Variants in MTHFD1L observed in about 807,000 individuals in gnomAD.
The protein encoded by MTHFD1L is monofunctional C1-tetrahydrofolate synthase, mitochondrial.
A neutral mutation model predicts 119.5 loss-of-function variants in MTHFD1L; 81 were observed. That is an observed-to-expected ratio of 0.68 (90% CI 0.57 to 0.82). The LOEUF (loss-of-function observed/expected upper bound fraction) is 0.82, where lower values mean the gene tolerates loss of function less well. Ranked by LOEUF, MTHFD1L falls within the 40% of genes least tolerant of loss-of-function variation. MTHFD1L has a pLI of 0.00. For synonymous variants in MTHFD1L, 430 were observed against 475.2 expected, an observed-to-expected ratio of 0.90 and a Z score of 1.24; for missense variants, 1,125 against 1,253.4, an observed-to-expected ratio of 0.90 and a Z score of 1.55.
chr6:150,866,384 G>A (rs1778317903), intron 1 of MTHFD1L: 1 of 1,401,618 alleles, frequency 7.1e-7, no homozygotes, highest in Middle Eastern at 2.5e-4. Flanking sequence ...GCGCGACCCA[G>A]ACGGTAAAGG....
chr6:150,994,064 T>TAAAAA (rs746589557), intron 20 of MTHFD1L, among the ~76,000 whole-genome samples: 98 of 74,146 alleles, frequency 1.3e-3, no homozygotes, highest in South Asian at 6.3e-3. Flanking sequence ...ACAACAACAG[T>TAAAAA]AAAAAAAAAA....
At chr6:150,936,996 G>A in intron 12 of MTHFD1L, 56 bp downstream of exon 12, 3 of 1,583,900 alleles carry the variant, frequency 1.9e-6, no homozygotes, top group Middle Eastern at 1.7e-4. Flanking sequence ...GGAGAGAATT[G>A]TAAAAAGAAC....
At chr6:150,988,336 C>G (rs1778589657) in intron 20 of MTHFD1L, among the ~76,000 whole-genome samples, 1 of 152,136 alleles carries the variant, frequency 6.6e-6, no homozygotes, top group Non-Finnish European at 1.5e-5. Context: ...CCTGAGGATA[C>G]TCAAAAAGAG....
Position 151,092,491 on chromosome 6 carries a change from AC to A in MTHFD1L, c.2875del (p.Arg959GlyfsTer7). 6.2e-7 allele frequency: 1 copy of A among 1,614,122 alleles called. No homozygotes were observed. On this transcript the variant is annotated frameshift_variant, in exon 27 of 28. Transcript: ENST00000367321. LOFTEE classifies it high-confidence loss of function. ...GTMSTMPGLP[T>X]RPCFYDIDLD... ...GATGAGCACCATGCCAGGACTGCCC[AC>A]CCGGCCCTGCTTTTATGACATAGAT...
chr6:151,045,113 G>A (rs1424197429), intron 26 of MTHFD1L, among the ~76,000 whole-genome samples: 2 of 152,174 alleles, frequency 1.3e-5, no homozygotes, highest in Non-Finnish European at 2.9e-5. Flanking sequence ...GGGATGCACG[G>A]TTGGTTATAC....
intron 11 of MTHFD1L, 68 bp from the exon 12 acceptor site, chr6:150,936,736 T>C: frequency 6.4e-7 from 1 of 1,552,122 alleles, no homozygotes; most frequent in Non-Finnish European, 8.8e-7. Context: ...GATTCTGGTG[T>C]CTTCGGCTGG....
chr6:151,101,747 T>C lies in MTHFD1L; in HGVS notation c.*253T>C, dbSNP rs1362316737. On this transcript the variant is annotated 3_prime_UTR_variant, in exon 28 of 28. Coordinates refer to ENST00000367321, the MANE Select transcript of MTHFD1L (RefSeq NM_015440.5). The stretch of plus-strand genomic sequence containing the variant: ...ATTTCTGTTTCTGTGGAGTTTCCAT[T>C]ATTTCTACTGCTTACACTTTAGAAT... The C allele has an allele frequency of 6.6e-6, 1 of 152,624 alleles. No homozygotes were observed. The allele number at this position is 152,624 out of a possible 1,614,324, so 9.5% of individuals were successfully genotyped here.
At chr6:150,976,187 A>G (rs1403707408) in intron 20 of MTHFD1L, among the ~76,000 whole-genome samples, 1 of 152,090 alleles carries the variant, frequency 6.6e-6, no homozygotes, top group East Asian at 1.9e-4. Context: ...GGCAACAGAG[A>G]CAGACTCTGT....
In MTHFD1L at chr6:151,008,655, A is replaced by T. The variant is rs1363528629; in HGVS notation, c.2126-1164A>T. 2.6e-5 allele frequency among the ~76,000 whole-genome samples: 4 copies of T among 152,172 alleles called. No homozygotes were observed. The East Asian group carries it at 7.7e-4, about 29-fold the overall frequency. ...AAAGGCAGCTGTGACCTTTCTAGCAACTGAGGGGGTGGGGACTAGAAACGA... is the reference window on the plus strand; with the variant it reads ...AAAGGCAGCTGTGACCTTTCTAGCATCTGAGGGGGTGGGGACTAGAAACGA... On this transcript the variant is annotated intron_variant, in intron 20 of 27. Coordinates refer to ENST00000367321, the MANE Select transcript of MTHFD1L (RefSeq NM_015440.5).
rs1466422065 is a variant in MTHFD1L, at chr6:151,015,605, T to G, written c.2498T>G (p.Val833Gly). The G allele has an allele frequency of 1.9e-6, 3 of 1,614,050 alleles. No individual in the cohort carries two copies. The highest frequency in any genetic ancestry group is 2.5e-6 in the Non-Finnish European group (3 of 1,180,004). The change falls in exon 24 of 28, where the codon GTT (valine) becomes GGT (glycine). Residue 833 changes from valine (V) to glycine (G), a missense_variant. Transcript: ENST00000367321. ...FDAVPCYHWS[V>G]GGKGSVDLAR... ...GCAGTCCCCTGCTATCACTGGTCCG[T>G]TGGTGGAAAAGGATCGGTGGACTTG... is the stretch of plus-strand genomic sequence containing the variant.
intron 20 of MTHFD1L, among the ~76,000 whole-genome samples, chr6:150,992,896 C>T (rs1270938388): frequency 6.6e-6 from 1 of 152,206 alleles, no homozygotes; most frequent in Non-Finnish European, 1.5e-5. Flanking sequence ...CAGTGGTTTC[C>T]CATGTAGGCT....
At chr6:150,987,988 G>A (rs1778541197) in intron 20 of MTHFD1L, among the ~76,000 whole-genome samples, 1 of 152,166 alleles carries the variant, frequency 6.6e-6, no homozygotes, top group African/African-American at 2.4e-5. Flanking sequence ...TTCTCTATGT[G>A]CTGTAAGATG....
At chr6:150,868,639 A>G (rs1778862916) in intron 1 of MTHFD1L, among the ~76,000 whole-genome samples, 1 of 152,036 alleles carries the variant, frequency 6.6e-6, no homozygotes, top group Admixed American at 6.6e-5. Context: ...GCCCAGCAAT[A>G]TTTTTACAAT....
At chr6:151,036,832 A>G (rs1312385968) in intron 25 of MTHFD1L, 133 bp from the exon 26 acceptor site, 2 of 847,316 alleles carry the variant, frequency 2.4e-6, no homozygotes, top group East Asian at 5.2e-5. Context: ...AACAAGTAGT[A>G]ACAAGCAGCT....
intron 26 of MTHFD1L, chr6:151,088,312 T>C (rs1394548301): frequency 6.6e-6 from 1 of 152,188 alleles, no homozygotes; most frequent in Non-Finnish European, 1.5e-5. Flanking sequence ...GCTGCACTTC[T>C]TGGAAGAGAT....
intron 9 of MTHFD1L, among the ~76,000 whole-genome samples, chr6:150,921,394 G>A (rs1788911933): frequency 6.6e-6 from 1 of 152,030 alleles, no homozygotes; most frequent in South Asian, 2.1e-4. Flanking sequence ...AGGATTACAG[G>A]CGTGAGCCAC....
At chr6:150,925,391 A>G (rs986724105) in intron 10 of MTHFD1L, among the ~76,000 whole-genome samples, 6 of 152,152 alleles carry the variant, frequency 3.9e-5, no homozygotes, top group Non-Finnish European at 7.3e-5. Context: ...AGAGTCCAGC[A>G]TTACACATGC....
chr6:150,984,274 C>A (rs1583955409), intron 20 of MTHFD1L, among the ~76,000 whole-genome samples: 1 of 152,068 alleles, frequency 6.6e-6, no homozygotes, highest in East Asian at 1.9e-4. Context: ...GAGAGAGGAA[C>A]CTTCGCCTGT....
intron 17 of MTHFD1L, among the ~76,000 whole-genome samples, chr6:150,956,823 T>G (rs1353813725): frequency 6.6e-6 from 1 of 152,126 alleles, no homozygotes; most frequent in Admixed American, 6.5e-5. Flanking sequence ...TGTGACCTTT[T>G]GAAGTGTCTT....
Sources: allele counts gnomAD v4.1 joint callset (sites outside exome capture counted in the v4.1 genomes callset), GRCh38; gene constraint gnomAD v4.1.1; transcripts MANE v1.5; gene names NCBI Gene and HGNC (gene_info 2026-07-23, HGNC 2026-07-21).